NPIPA9: variants seen among roughly 807,000 people sequenced by gnomAD.
NPIPA9 encodes nuclear pore complex-interacting protein family member A9.
At chr16:18,372,130 G>A (rs1419542413) in intron 3 of NPIPA9, 1 of 67,030 alleles carries the variant, frequency 1.5e-5, no homozygotes, top group East Asian at 3.7e-4. Flanking sequence ...GGGAGGGGGA[G>A]GGGAGGGGGA....
At chr16:18,369,469 ATTATC>A (rs1900509575) in intron 3 of NPIPA9, among the ~76,000 whole-genome samples, 1 of 39,264 alleles carries the variant, frequency 2.5e-5, no homozygotes, top group East Asian at 5.0e-4. Context: ...GTATAAAGTA[ATTATC>A]TTATCTTTTA....
At chr16:18,371,562 GC>G (rs1308413806) in intron 3 of NPIPA9, among the ~76,000 whole-genome samples, 1 of 112,542 alleles carries the variant, frequency 8.9e-6, no homozygotes, top group Non-Finnish European at 1.9e-5. Context: ...GTGCAGCGGG[GC>G]CATCTCGGCT....
At chr16:18,364,969 A>ACACGCACAC (rs58690022) in intron 4 of NPIPA9, among the ~76,000 whole-genome samples, 3 of 119,598 alleles carry the variant, frequency 2.5e-5, no homozygotes, top group Admixed American at 7.9e-5. Flanking sequence ...ACACACACAC[A>ACACGCACAC]ACACAACACA....
At position 18,375,048 on chromosome 16, in the gene NPIPA9, TG is replaced by T; in HGVS notation, c.-287del. The T allele has an allele frequency of 3.0e-6, 2 of 657,322 alleles. No individual in the cohort carries two copies. Among genetic ancestry groups the T allele is most frequent in the Non-Finnish European group, 4.9e-6 (2 of 405,628 alleles). 40.7% of individuals were successfully genotyped at this position (657,322 alleles called of 1,614,324 possible). ...TCCAGCACCTGCTGCCCGGCAGGTG[TG>T]GGGCTCGGGCTCCCAGCCACCTGCA... On this transcript the variant is annotated 5_prime_UTR_variant, in exon 2 of 10. The change creates a premature stop within an existing upstream ORF in the 5' untranslated region. Transcript: ENST00000427999.
intron 4 of NPIPA9, among the ~76,000 whole-genome samples, chr16:18,364,968 C>CG (rs1900488779): frequency 3.1e-5 from 4 of 127,014 alleles, no homozygotes; most frequent in African/African-American, 1.3e-4. Flanking sequence ...CACACACACA[C>CG]AACACAACAC....
exon 3 of NPIPA9, chr16:18,372,753 G>A (rs1187972681): frequency 1.0e-3 from 5 of 4,940 alleles, no homozygotes; most frequent in East Asian, 4.2e-3. Context: ...TACAGCCTCC[G>A]CTCAGCCATT....
chr16:18,369,883 C>A (rs1442003126), intron 3 of NPIPA9, among the ~76,000 whole-genome samples: 1 of 141,744 alleles, frequency 7.1e-6, no homozygotes, highest in African/African-American at 2.7e-5. Context: ...TAATACTTCT[C>A]TCTTGGATTA....
At chr16:18,370,044 C>T (rs1900520346) in intron 3 of NPIPA9, among the ~76,000 whole-genome samples, 10 of 137,950 alleles carry the variant, frequency 7.2e-5, no homozygotes, top group Admixed American at 5.1e-4. Flanking sequence ...GCAATCCCAG[C>T]ACTTTGGGAA....
chr16:18,376,818 A>G, exon 1 of NPIPA9: 2 of 417,708 alleles, frequency 4.8e-6, no homozygotes, highest in Non-Finnish European at 8.6e-6. Context: ...GCCAACAGCG[A>G]CTGTGTCGAC....
At chr16:18,375,493 G>T (rs1183125563) in intron 1 of NPIPA9, among the ~76,000 whole-genome samples, 1 of 95,862 alleles carries the variant, frequency 1.0e-5, no homozygotes, top group South Asian at 4.4e-4. Flanking sequence ...GTAGAGACGG[G>T]GTTTCACTGT....
chr16:18,363,756 G>C (rs60845757), intron 6 of NPIPA9, among the ~76,000 whole-genome samples: 1 of 14,830 alleles, frequency 6.7e-5, no homozygotes, highest in East Asian at 1.5e-3. Flanking sequence ...ATTACCTGAG[G>C]TCAGAAGTTC....
chr16:18,375,241 A>G (rs1293704000), intron 1 of NPIPA9, among the ~76,000 whole-genome samples, 172 bp from the exon 2 acceptor site: 34 of 141,964 alleles, frequency 2.4e-4, no homozygotes, highest in African/African-American at 8.3e-4. Context: ...CCCTCGCGAC[A>G]TGTGCCACTG....
intron 6 of NPIPA9, among the ~76,000 whole-genome samples, chr16:18,363,523 C>G (rs1900472110): frequency 9.3e-6 from 1 of 107,742 alleles, no homozygotes; most frequent in African/African-American, 4.2e-5. Context: ...AAAAATTGGC[C>G]GAATGTGGTG....
exon 1 of NPIPA9, chr16:18,376,807 G>C: frequency 2.4e-6 from 1 of 413,218 alleles, no homozygotes; most frequent in Non-Finnish European, 4.3e-6. Context: ...CTGGACACCA[G>C]GCCAACAGCG....
chr16:18,372,339 G>A (rs1411806500), intron 3 of NPIPA9, among the ~76,000 whole-genome samples: 1 of 3,118 alleles, frequency 3.2e-4, no homozygotes, highest in Admixed American at 4.1e-3. Context: ...GCAAGGGAGC[G>A]TGAGGCTTAG....
chr16:18,371,451 T>TAAAAAAAAAA (rs778066038), intron 3 of NPIPA9, among the ~76,000 whole-genome samples: 4 of 56,638 alleles, frequency 7.1e-5, no homozygotes, highest in African/African-American at 2.9e-4. Flanking sequence ...GACTCTGTCT[T>TAAAAAAAAAA]AAAAAAAAAA....
intron 3 of NPIPA9, among the ~76,000 whole-genome samples, chr16:18,371,449 C>CT (rs1427099930): frequency 1.4e-4 from 8 of 58,420 alleles, no homozygotes; most frequent in African/African-American, 2.4e-4. Context: ...GAGACTCTGT[C>CT]TTAAAAAAAA....
rs1161767470 is a variant in NPIPA9, at chr16:18,364,937, TCACA to T, written c.193-307_193-304del. Among the ~76,000 whole-genome samples, 4 of 120,196 alleles carry T rather than the reference TCACA, an allele frequency of 3.3e-5. No homozygotes were observed. The East Asian group carries it at 7.2e-4, about 22-fold the overall frequency. 78.9% of individuals were successfully genotyped at this position (120,196 alleles called of 152,430 possible). Reference sequence around the variant, plus strand: ...GCCTGAGTGACAGAATGAGACTCTGTCACACACACACACACACACACACACACAC... The same window carrying T: ...GCCTGAGTGACAGAATGAGACTCTGTCACACACACACACACACACACACAC... On this transcript the variant is annotated intron_variant, in intron 4 of 9. Coordinates refer to ENST00000427999, the Ensembl canonical transcript of NPIPA9.
chr16:18,363,669 TA>T (rs1224641324), intron 6 of NPIPA9, among the ~76,000 whole-genome samples: 3 of 4,070 alleles, frequency 7.4e-4, no homozygotes, highest in East Asian at 6.5e-3. Flanking sequence ...ATCTCAAAAT[TA>T]AAAAAAAAAA....
Sources: allele counts gnomAD v4.1 joint callset (sites outside exome capture counted in the v4.1 genomes callset), GRCh38; gene constraint gnomAD v4.1.1; transcripts MANE v1.5; gene names NCBI Gene and HGNC (gene_info 2026-07-23, HGNC 2026-07-21).